The following RBFOX1 variants were observed in gnomAD, a reference collection of about 807,000 sequenced individuals.
RBFOX1 encodes RNA binding protein fox-1 homolog 1.
In RBFOX1, 8 loss-of-function variants were observed where a neutral mutation model predicts 57.7. The ratio of observed to expected loss-of-function variants is 0.14; its 90% CI spans 0.08 to 0.25. The LOEUF (loss-of-function observed/expected upper bound fraction) is 0.25. Among genes scored for constraint, RBFOX1 ranks in the 10% least tolerant of loss-of-function variants. The pLI is 1.00. For missense variants in RBFOX1, 611 were observed against 548.5 expected (o/e 1.11, Z -1.14); for synonymous variants, 326 against 222.4 (o/e 1.47, Z -4.15).
At chr16:5,744,102 A>G (rs2052881695) in intron 3 of RBFOX1, among the ~76,000 whole-genome samples, 1 of 152,078 alleles carries the variant, frequency 6.6e-6, no homozygotes, top group African/African-American at 2.4e-5. Context: ...TACAGCTCCC[A>G]GGCTACCATG....
chr16:6,574,684 T>TC (rs2097400261), intron 2 of RBFOX1, among the ~76,000 whole-genome samples: 1 of 103,084 alleles, frequency 9.7e-6, no homozygotes, highest in African/African-American at 3.7e-5. Flanking sequence ...CGCCTCGGCC[T>TC]CCCAAAGTGC....
chr16:5,362,472 C>G (rs1317790088), intron 1 of RBFOX1, among the ~76,000 whole-genome samples: 1 of 152,238 alleles, frequency 6.6e-6, no homozygotes, highest in Non-Finnish European at 1.5e-5. Flanking sequence ...AAGCGATTCT[C>G]CTGCCTCAGT....
intron 1 of RBFOX1, among the ~76,000 whole-genome samples, chr16:6,109,112 T>C (rs74004748): frequency 2.4e-4 from 37 of 152,336 alleles, no homozygotes; most frequent in African/African-American, 8.7e-4. Context: ...TTAATGGTTT[T>C]ATCATGCCAT....
intron 4 of RBFOX1, among the ~76,000 whole-genome samples, chr16:7,263,938 AAGT>A (rs1025601423): frequency 1.1e-3 from 167 of 148,932 alleles, no homozygotes; most frequent in African/African-American, 3.9e-3. Context: ...AAAAAAAAAC[AAGT>A]AGAAGGAAGG....
At chr16:6,223,684 A>G (rs1207815744) in intron 1 of RBFOX1, among the ~76,000 whole-genome samples, 13 of 152,176 alleles carry the variant, frequency 8.5e-5, no homozygotes, top group African/African-American at 1.7e-4. Context: ...TTCCTTTGCT[A>G]TGCAGAAGCT....
At chr16:5,495,541 A>G (rs1403402502) in intron 2 of RBFOX1, among the ~76,000 whole-genome samples, 4 of 152,238 alleles carry the variant, frequency 2.6e-5, no homozygotes, top group Admixed American at 2.6e-4. Context: ...ACTAGCAAAC[A>G]GGAAACTGTC....
chr16:5,579,549 T>G (rs1943209336), intron 2 of RBFOX1, among the ~76,000 whole-genome samples: 1 of 152,040 alleles, frequency 6.6e-6, no homozygotes, highest in African/African-American at 2.4e-5. Context: ...CCCAATCCTC[T>G]AGTCCACCTG....
intron 3 of RBFOX1, among the ~76,000 whole-genome samples, chr16:6,770,929 T>G (rs1412331806): frequency 6.6e-6 from 1 of 152,156 alleles, no homozygotes; most frequent in Non-Finnish European, 1.5e-5. Flanking sequence ...TACCTCTTAT[T>G]TGGAGGCCGA....
intron 2 of RBFOX1, among the ~76,000 whole-genome samples, chr16:6,447,700 C>G (rs1045346975): frequency 2.6e-5 from 4 of 152,256 alleles, no homozygotes; most frequent in Middle Eastern, 3.4e-3. Flanking sequence ...AATTCATAAT[C>G]CAGATTTTGA....
chr16:6,169,133 G>A (rs2096939717), intron 1 of RBFOX1, among the ~76,000 whole-genome samples: 1 of 152,104 alleles, frequency 6.6e-6, no homozygotes, highest in African/African-American at 2.4e-5. Context: ...ATTAGCAAGG[G>A]GATTGCATTG....
At chr16:5,463,660 C>A (rs62016427) in intron 1 of RBFOX1, among the ~76,000 whole-genome samples, 1 of 151,826 alleles carries the variant, frequency 6.6e-6, no homozygotes, top group African/African-American at 2.4e-5. Flanking sequence ...ATTAGCCAGA[C>A]GTGCTGACAC....
intron 1 of RBFOX1, among the ~76,000 whole-genome samples, chr16:6,055,090 G>T (rs954665080): frequency 6.6e-6 from 1 of 152,104 alleles, no homozygotes; most frequent in African/African-American, 2.4e-5. Flanking sequence ...TTCATGTGAG[G>T]GTAGAGTGTT....
intron 3 of RBFOX1, among the ~76,000 whole-genome samples, chr16:6,924,772 C>T (rs78257588): frequency 0.23 from 34,687 of 149,242 alleles, 4,314 homozygotes; most frequent in Middle Eastern, 0.29. Context: ...TGTTGGTGTG[C>T]TGCACCCATT....
intron 4 of RBFOX1, among the ~76,000 whole-genome samples, chr16:5,987,666 G>A (rs975732316): frequency 6.6e-6 from 1 of 152,106 alleles, no homozygotes; most frequent in African/African-American, 2.4e-5. Context: ...TCATTCCTAT[G>A]AGTAGCCACC....
intron 3 of RBFOX1, among the ~76,000 whole-genome samples, chr16:6,706,482 G>T (rs544962277): frequency 6.6e-6 from 1 of 152,210 alleles, no homozygotes; most frequent in Admixed American, 6.5e-5. Flanking sequence ...CAGCCTGATG[G>T]CTGGTAATGA....
chr16:5,536,742 G>A (rs2044714185), intron 2 of RBFOX1, among the ~76,000 whole-genome samples: 2 of 152,014 alleles, frequency 1.3e-5, no homozygotes, highest in South Asian at 4.2e-4. Flanking sequence ...CAGGGAGCAG[G>A]TGGTTGAATG....
chr16:6,394,481 C>G (rs186533022), intron 2 of RBFOX1, among the ~76,000 whole-genome samples: 4 of 148,818 alleles, frequency 2.7e-5, no homozygotes, highest in Non-Finnish European at 5.9e-5. Context: ...TTAAATTTAC[C>G]CCCCAGAATA....
At chr16:7,228,502 C>T (rs966164565) in intron 4 of RBFOX1, among the ~76,000 whole-genome samples, 36 of 152,048 alleles carry the variant, frequency 2.4e-4, no homozygotes, top group African/African-American at 7.5e-4. Context: ...CTCAGTGATT[C>T]ATAAAGATGG....
chr16:7,496,299 C>T (rs1438809137), intron 4 of RBFOX1, among the ~76,000 whole-genome samples: 7 of 152,128 alleles, frequency 4.6e-5, no homozygotes. Flanking sequence ...TGTGCCACCA[C>T]ATCTGTCTAA....
Sources: gnomAD v4.1 joint callset for allele counts (sites outside exome capture counted in the v4.1 genomes callset) on GRCh38, gnomAD v4.1.1 for gene constraint, MANE v1.5 for transcripts, NCBI Gene and HGNC (gene_info 2026-07-23, HGNC 2026-07-21) for gene names.